DDX10: variants seen among roughly 807,000 people sequenced by gnomAD.
DDX10 encodes probable ATP-dependent RNA helicase DDX10.
DDX10 carries 74 observed loss-of-function variants against 104.3 expected under a neutral mutation model. That is an observed-to-expected ratio of 0.71 (90% CI 0.59 to 0.86). DDX10 has a LOEUF of 0.86. Among genes scored for constraint, DDX10 ranks in the 40% least tolerant of loss-of-function variants. The pLI is 0.00. For synonymous variants in DDX10, 351 were observed against 353.4 expected (o/e 0.99, Z 0.08); for missense variants, 952 against 1,040.0 (o/e 0.92, Z 1.16).
intron 16 of DDX10, among the ~76,000 whole-genome samples, chr11:108,872,394 C>T (rs1863094729): frequency 6.6e-6 from 1 of 152,144 alleles, no homozygotes; most frequent in African/African-American, 2.4e-5. Context: ...TTGATACAAG[C>T]ATAAAATACT....
chr11:108,816,325 T>C (rs1862254716), intron 13 of DDX10, among the ~76,000 whole-genome samples: 1 of 152,216 alleles, frequency 6.6e-6, no homozygotes, highest in South Asian at 2.1e-4. Context: ...TCTACTATTG[T>C]AAACTTCTTT....
chr11:108,735,103 A>G (rs1264796140), intron 13 of DDX10, among the ~76,000 whole-genome samples: 1 of 152,172 alleles, frequency 6.6e-6, no homozygotes, highest in Non-Finnish European at 1.5e-5. Context: ...TTTTCAATGC[A>G]TATTTTGAAA....
At chr11:108,782,164 A>G (rs2094379039) in intron 13 of DDX10, among the ~76,000 whole-genome samples, 1 of 152,202 alleles carries the variant, frequency 6.6e-6, no homozygotes, top group African/African-American at 2.4e-5. Flanking sequence ...TGTATATGGT[A>G]TAGGCCTTGG....
At chr11:108,761,105 T>A (rs2094350331) in intron 13 of DDX10, among the ~76,000 whole-genome samples, 1 of 152,152 alleles carries the variant, frequency 6.6e-6, no homozygotes, top group Non-Finnish European at 1.5e-5. Flanking sequence ...TCATCACTTC[T>A]GCTTTTATTA....
chr11:108,847,267 A>G (rs1255879509), intron 15 of DDX10, among the ~76,000 whole-genome samples: 1 of 152,134 alleles, frequency 6.6e-6, no homozygotes, highest in East Asian at 1.9e-4. Context: ...AAGATAGGCC[A>G]TGGATCCTAT....
At chr11:108,816,231 A>G (rs142733378) in intron 13 of DDX10, among the ~76,000 whole-genome samples, 12 of 152,276 alleles carry the variant, frequency 7.9e-5, no homozygotes, top group African/African-American at 2.4e-4. Context: ...ATCTCCATCT[A>G]CGTATGCTCC....
chr11:108,689,985 G>A (rs993263824), intron 7 of DDX10, among the ~76,000 whole-genome samples: 2 of 152,096 alleles, frequency 1.3e-5, no homozygotes, highest in African/African-American at 4.8e-5. Flanking sequence ...AGAGGCTGAG[G>A]TAGGAGGATT....
At chr11:108,818,388 T>A (rs1303755178) in intron 13 of DDX10, among the ~76,000 whole-genome samples, 1 of 152,184 alleles carries the variant, frequency 6.6e-6, no homozygotes, top group Non-Finnish European at 1.5e-5. Flanking sequence ...CTTTGGTAGT[T>A]TGTGGTCTTT....
intron 4 of DDX10, 78 bp downstream of exon 4, chr11:108,677,321 C>A: frequency 1.5e-6 from 2 of 1,327,686 alleles, no homozygotes; most frequent in Non-Finnish European, 2.1e-6. Context: ...AGGGAGGCAG[C>A]AGAGACTTCA....
chr11:108,827,439 T>A (rs1327988872), intron 13 of DDX10, among the ~76,000 whole-genome samples: 1 of 152,190 alleles, frequency 6.6e-6, no homozygotes, highest in Non-Finnish European at 1.5e-5. Flanking sequence ...TGGAGGCAGA[T>A]CTGATTTTCA....
chr11:108,706,623 C>CT, intron 9 of DDX10, 116 bp from the exon 10 acceptor site: 1 of 769,800 alleles, frequency 1.3e-6, no homozygotes, highest in Non-Finnish European at 2.2e-6. Flanking sequence ...AAAAGCCAGT[C>CT]TCTGACATTT....
intron 6 of DDX10, among the ~76,000 whole-genome samples, chr11:108,681,849 A>C (rs902418672): frequency 3.9e-5 from 6 of 152,228 alleles, no homozygotes; most frequent in Admixed American, 3.9e-4. Flanking sequence ...AGGTATATAC[A>C]AATTTAGAAT....
At chr11:108,710,430 A>G (rs1380024449) in intron 10 of DDX10, among the ~76,000 whole-genome samples, 2 of 152,120 alleles carry the variant, frequency 1.3e-5, no homozygotes, top group African/African-American at 4.8e-5. Flanking sequence ...TTGGTTAAAA[A>G]TATTTGTTTT....
At chr11:108,705,344 G>C (rs992681605) in intron 9 of DDX10, among the ~76,000 whole-genome samples, 1 of 152,158 alleles carries the variant, frequency 6.6e-6, no homozygotes, top group African/African-American at 2.4e-5. Flanking sequence ...TAGGGGGACA[G>C]CTTTAAACTT....
chr11:108,807,375 A>G lies in DDX10; in HGVS notation c.1966-31071A>G, dbSNP rs896413000. Among the ~76,000 whole-genome samples the G allele has an allele frequency of 2.0e-5, 3 of 152,326 alleles. 1 individual carries two copies. Among genetic ancestry groups the G allele is most frequent in the Middle Eastern group, 6.8e-3 (2 of 294 alleles). The stretch of plus-strand genomic sequence containing the variant: ...ATATTTTAAACTGTGACTGGTAGCA[A>G]TGTCAAGCCAGGTGAGAGAGACTCG... On this transcript the variant is annotated intron_variant, in intron 13 of 17. Transcript: ENST00000322536.
At chr11:108,833,002 TTTAAC>T (rs1398248862) in intron 13 of DDX10, among the ~76,000 whole-genome samples, 4 of 152,206 alleles carry the variant, frequency 2.6e-5, no homozygotes, top group African/African-American at 9.6e-5. Flanking sequence ...AAAACAACCT[TTTAAC>T]TTAAGTACAA....
chr11:108,927,233 T>G (rs1760758403), intron 17 of DDX10, among the ~76,000 whole-genome samples: 1 of 152,200 alleles, frequency 6.6e-6, no homozygotes, highest in African/African-American at 2.4e-5. Context: ...CAGCAGCCCC[T>G]TGTCCTTGCT....
intron 13 of DDX10, among the ~76,000 whole-genome samples, chr11:108,806,112 C>T (rs1185594953): frequency 6.6e-6 from 1 of 152,094 alleles, no homozygotes; most frequent in Admixed American, 6.5e-5. Context: ...CAGGCGTCCA[C>T]CACCACGCCC....
intron 6 of DDX10, among the ~76,000 whole-genome samples, chr11:108,686,012 T>C (rs1395678812): frequency 3.3e-5 from 5 of 152,180 alleles, no homozygotes; most frequent in Non-Finnish European, 5.9e-5. Flanking sequence ...GGGCTTATTG[T>C]TTTCATTTTG....
Sources: allele counts gnomAD v4.1 joint callset (sites outside exome capture counted in the v4.1 genomes callset), GRCh38; gene constraint gnomAD v4.1.1; transcripts MANE v1.5; gene names NCBI Gene and HGNC (gene_info 2026-07-23, HGNC 2026-07-21).